MCCC1: variants seen among roughly 807,000 people sequenced by gnomAD.
The protein encoded by MCCC1 is methylcrotonoyl-CoA carboxylase subunit alpha, mitochondrial.
MCCC1 carries 64 observed loss-of-function variants against 83.8 expected under a neutral mutation model. That is an observed-to-expected ratio of 0.76 (90% CI 0.62 to 0.94). The LOEUF (loss-of-function observed/expected upper bound fraction) is 0.94. Ranked by LOEUF, MCCC1 falls within the 40% of genes least tolerant of loss-of-function variation. The pLI is 0.00. For synonymous variants in MCCC1, 322 were observed against 315.4 expected (o/e 1.02, Z -0.22); for missense variants, 807 against 904.7 (o/e 0.89, Z 1.39).
At chr3:183,045,301 A>G in intron 10 of MCCC1, 112 bp downstream of exon 10, 1 of 1,291,558 alleles carries the variant, frequency 7.7e-7, no homozygotes, top group Non-Finnish European at 1.1e-6. Flanking sequence ...GCTGGTCTCG[A>G]ACTCCTGACC....
chr3:183,040,936 T>C (rs904267179), intron 11 of MCCC1, among the ~76,000 whole-genome samples: 8 of 152,140 alleles, frequency 5.3e-5, no homozygotes, highest in Admixed American at 5.2e-4. Context: ...AGGATGACCT[T>C]GGACAAGTCA....
chr3:183,105,704 GAAAAAA>G (rs758029555), intron 1 of MCCC1, among the ~76,000 whole-genome samples: 3 of 148,674 alleles, frequency 2.0e-5, no homozygotes, highest in South Asian at 4.2e-4. Context: ...AAAGAAGAAA[GAAAAAA>G]AAAAACTCTT....
intron 4 of MCCC1, among the ~76,000 whole-genome samples, chr3:183,073,096 T>C (rs559935629): frequency 6.6e-6 from 1 of 152,114 alleles, no homozygotes; most frequent in African/African-American, 2.4e-5. Context: ...CATTGTGTTA[T>C]TTCTACACAT....
chr3:183,022,469 G>A lies in MCCC1; in HGVS notation c.1817C>T (p.Ala606Val). Residue 606 changes from alanine (A) to valine (V), a missense_variant, in exon 16 of 19, where the codon GCT becomes GTT. By Grantham distance (64) the Ala-to-Val change is moderately conservative. Transcript: ENST00000265594. ...CAGGATAATCAGCTTCGCTTTACTA[G>A]CAACTCCATTAACAGAACATTTCAG... ...TYLKCSVNGV[A>V]SKAKLIILEN... 1 of 1,614,028 alleles carries A rather than the reference G, an allele frequency of 6.2e-7. No homozygotes were observed. Among genetic ancestry groups the A allele is most frequent in the East Asian group, 2.2e-5 (1 of 44,880 alleles).
intron 4 of MCCC1, among the ~76,000 whole-genome samples, chr3:183,083,578 G>A (rs139981683): frequency 2.6e-5 from 4 of 152,160 alleles, no homozygotes; most frequent in African/African-American, 7.2e-5. Context: ...TTCAAAATAA[G>A]TATTATTCCT....
rs1457850012 is a variant in MCCC1, at chr3:183,062,360, T to G, written c.762-4938A>C. 9.4e-4 allele frequency among the ~76,000 whole-genome samples: 140 copies of G among 148,392 alleles called. 3 individuals carry two copies. The highest frequency in any genetic ancestry group is 3.3e-3 in the African/African-American group (131 of 40,280). On this transcript the variant is annotated intron_variant, in intron 7 of 18. Coordinates refer to ENST00000265594, the MANE Select transcript of MCCC1 (RefSeq NM_020166.5). ...AGTTTTGTTTTTTCAGTTTTTTTTT[T>G]TTTTTTTTTTTTGAGATGGAGTCTT... is the stretch of plus-strand genomic sequence containing the variant.
At chr3:183,029,474 C>G (rs1408335313) in intron 14 of MCCC1, among the ~76,000 whole-genome samples, 3 of 152,204 alleles carry the variant, frequency 2.0e-5, no homozygotes, top group African/African-American at 7.2e-5. Flanking sequence ...ACCTGTCATC[C>G]TTGCCTCATC....
intron 16 of MCCC1, among the ~76,000 whole-genome samples, chr3:183,021,069 A>C (rs545295042): frequency 6.6e-6 from 1 of 152,264 alleles, no homozygotes; most frequent in African/African-American, 2.4e-5. Flanking sequence ...CAAAAAATAA[A>C]ATAAGAATAA....
At chr3:183,116,192 G>A, upstream of MCCC1, 1 of 176,232 alleles carries the variant, frequency 5.7e-6, no homozygotes, top group Non-Finnish European at 1.2e-5. Context: ...CTGCTCATGC[G>A]CACTGACTGC....
chr3:183,050,091 G>A (rs769557550), intron 9 of MCCC1, among the ~76,000 whole-genome samples: 14 of 152,230 alleles, frequency 9.2e-5, no homozygotes, highest in South Asian at 4.1e-4. Flanking sequence ...GGTGGCTCAC[G>A]CCTGTAATCC....
chr3:183,041,239 C>G (rs1411172551), intron 11 of MCCC1, among the ~76,000 whole-genome samples: 3 of 152,116 alleles, frequency 2.0e-5, no homozygotes, highest in Admixed American at 6.5e-5. Context: ...AGGCAGTCTG[C>G]CTTGTGCATA....
At chr3:183,104,744 T>A (rs1220542972) in intron 1 of MCCC1, among the ~76,000 whole-genome samples, 1 of 152,124 alleles carries the variant, frequency 6.6e-6, no homozygotes, top group Non-Finnish European at 1.5e-5. Context: ...AGAAATACAA[T>A]AATAATACAC....
chr3:183,105,094 C>G (rs1452742642), intron 1 of MCCC1, among the ~76,000 whole-genome samples: 1 of 152,190 alleles, frequency 6.6e-6, no homozygotes, highest in Non-Finnish European at 1.5e-5. Context: ...CCTGTAATCC[C>G]AGCACTTTGG....
chr3:183,042,168 C>G (rs537927165), intron 10 of MCCC1, among the ~76,000 whole-genome samples: 2 of 152,160 alleles, frequency 1.3e-5, no homozygotes, highest in African/African-American at 4.8e-5. Context: ...AGATTCACAG[C>G]CAAGCAAAAA....
chr3:183,017,382 C>T lies in MCCC1; in HGVS notation c.1978-45G>A, dbSNP rs749802262. ...GGTTAATATTTGAAAACACAGAGGTCCTAGATATGTTCATCTGCTTCATTA... is the reference window on the plus strand; with the variant it reads ...GGTTAATATTTGAAAACACAGAGGTTCTAGATATGTTCATCTGCTTCATTA... On this transcript the variant is annotated intron_variant, in intron 17 of 18. Transcript: ENST00000265594. The T allele has an allele frequency of 3.8e-6, 6 of 1,580,544 alleles. No individual in the cohort carries two copies. The East Asian group carries it at 1.1e-4, about 29-fold the overall frequency.
chr3:183,024,627 A>AC (rs1006879211), intron 15 of MCCC1, among the ~76,000 whole-genome samples: 2 of 151,682 alleles, frequency 1.3e-5, no homozygotes, highest in Admixed American at 6.6e-5. Flanking sequence ...ACAAAAAAAA[A>AC]ACAAAACCCC....
chr3:183,057,558 C>A, intron 7 of MCCC1, 136 bp from the exon 8 acceptor site: 3 of 767,756 alleles, frequency 3.9e-6, no homozygotes, highest in Non-Finnish European at 2.2e-6. Flanking sequence ...GATATTTTGA[C>A]CTCAAATTAG....
At chr3:183,083,300 T>C (rs1717649685) in intron 4 of MCCC1, among the ~76,000 whole-genome samples, 1 of 152,216 alleles carries the variant, frequency 6.6e-6, no homozygotes, top group African/African-American at 2.4e-5. Context: ...TTGTAAATTA[T>C]AACCCACCAA....
At chr3:183,045,611 C>T (rs2108486937) in intron 9 of MCCC1, 71 bp from the exon 10 acceptor site, 7 of 1,526,998 alleles carry the variant, frequency 4.6e-6, no homozygotes, top group Non-Finnish European at 6.3e-6. Flanking sequence ...TTCCATGATG[C>T]ATCACATCAA....
Sources: allele counts gnomAD v4.1 joint callset (sites outside exome capture counted in the v4.1 genomes callset), GRCh38; gene constraint gnomAD v4.1.1; transcripts MANE v1.5; gene names NCBI Gene and HGNC (gene_info 2026-07-23, HGNC 2026-07-21).